The following ADGRL2 variants were observed in gnomAD, a reference collection of about 807,000 sequenced individuals.
The protein encoded by ADGRL2 is adhesion G protein-coupled receptor L2.
In ADGRL2, 44 loss-of-function variants were observed where a neutral mutation model predicts 157.4. The observed-to-expected ratio is 0.28, with a 90% CI of 0.22 to 0.36. ADGRL2 has a LOEUF of 0.36. ADGRL2 is among the 10% of genes least tolerant of loss of function. The pLI is 1.00. For synonymous variants in ADGRL2, 585 were observed against 624.7 expected (o/e 0.94, Z 0.95); for missense variants, 1,510 against 1,768.9 (o/e 0.85, Z 2.63).
chr1:81,410,307 AT>A (rs1311779200), intron 1 of ADGRL2, among the ~76,000 whole-genome samples: 1 of 152,254 alleles, frequency 6.6e-6, no homozygotes, highest in Non-Finnish European at 1.5e-5. Context: ...CCTGCATTGA[AT>A]TTAGGTTCTT....
chr1:81,711,585 TTTGTG>T (rs1194030509), intron 1 of ADGRL2, among the ~76,000 whole-genome samples: 1 of 152,182 alleles, frequency 6.6e-6, no homozygotes, highest in Admixed American at 6.5e-5. Context: ...TGTTGTTTGT[TTTGTG>T]TTGTTTTTGT....
intron 3 of ADGRL2, among the ~76,000 whole-genome samples, chr1:81,590,773 T>G (rs1406606162): frequency 6.6e-6 from 1 of 152,156 alleles, no homozygotes; most frequent in Non-Finnish European, 1.5e-5. Context: ...TGCCAGGATC[T>G]CTACTTCATT....
chr1:81,604,002 C>T (rs1330029169), intron 3 of ADGRL2, among the ~76,000 whole-genome samples: 2 of 148,298 alleles, frequency 1.3e-5, no homozygotes, highest in African/African-American at 5.0e-5. Context: ...CTTGCTCTGT[C>T]CTTTAGGCTG....
chr1:81,874,624 CTTGT>C (rs2093783684), intron 2 of ADGRL2, among the ~76,000 whole-genome samples: 1 of 111,196 alleles, frequency 9.0e-6, no homozygotes. Flanking sequence ...CTTGTCTTGT[CTTGT>C]CTTGTCTTGT....
In ADGRL2 at chr1:81,530,265, C is replaced by T. The variant is rs149556686; in HGVS notation, c.-247-50611C>T. Reference sequence around the variant, plus strand: ...CCAGGATACAGTTCATTCAGGCATGCACCATATTTCAGATCAACTCAAGCT... The same window carrying T: ...CCAGGATACAGTTCATTCAGGCATGTACCATATTTCAGATCAACTCAAGCT... On this transcript the variant is annotated intron_variant, in intron 2 of 24. Coordinates refer to the ADGRL2 transcript ENST00000370721. Among the ~76,000 whole-genome samples the T allele has an allele frequency of 4.0e-3, 613 of 152,318 alleles. 1 individual carries two copies. Among genetic ancestry groups the T allele is most frequent in the Non-Finnish European group, 6.4e-3 (438 of 68,028 alleles).
At chr1:81,519,905 G>T (rs2079272421) in intron 2 of ADGRL2, among the ~76,000 whole-genome samples, 1 of 152,232 alleles carries the variant, frequency 6.6e-6, no homozygotes, top group Non-Finnish European at 1.5e-5. Flanking sequence ...CTCCTTGCAA[G>T]TACTAAGTCT....
At chr1:81,708,755 T>C (rs966410356) in intron 1 of ADGRL2, among the ~76,000 whole-genome samples, 7 of 152,082 alleles carry the variant, frequency 4.6e-5, no homozygotes, top group Non-Finnish European at 1.0e-4. Flanking sequence ...AAATCTCTGT[T>C]ATGTGATCAC....
intron 3 of ADGRL2, among the ~76,000 whole-genome samples, chr1:81,631,627 T>G (rs2082012491): frequency 6.6e-6 from 1 of 152,176 alleles, no homozygotes; most frequent in African/African-American, 2.4e-5. Flanking sequence ...TGGTATGAGG[T>G]GCAATGGATC....
At chr1:81,937,947 C>T (rs979340120) in intron 4 of ADGRL2, among the ~76,000 whole-genome samples, 1 of 151,814 alleles carries the variant, frequency 6.6e-6, no homozygotes, top group African/African-American at 2.4e-5. Flanking sequence ...TGTGAAGGCA[C>T]TCTCCATCTT....
chr1:81,901,507 T>G (rs924361228), intron 2 of ADGRL2, among the ~76,000 whole-genome samples: 1 of 152,040 alleles, frequency 6.6e-6, no homozygotes, highest in African/African-American at 2.4e-5. Context: ...AAAAGTTTAC[T>G]AGGTGATTCT....
chr1:81,965,953 A>G (rs529952696), intron 11 of ADGRL2, 105 bp from the exon 12 acceptor site: 2 of 1,164,452 alleles, frequency 1.7e-6, no homozygotes, highest in Non-Finnish European at 2.4e-6. Context: ...TTTTTTAAGT[A>G]GGCAAAAAGA....
chr1:81,558,145 G>C (rs12048284), intron 2 of ADGRL2, among the ~76,000 whole-genome samples: 15,586 of 152,116 alleles, frequency 0.1, 1,070 homozygotes, highest in East Asian at 0.29. Flanking sequence ...ATAAATGAAC[G>C]ATGTCTTCCA....
At chr1:81,625,424 A>C (rs1420598727) in intron 3 of ADGRL2, among the ~76,000 whole-genome samples, 2 of 152,096 alleles carry the variant, frequency 1.3e-5, no homozygotes, top group Admixed American at 6.6e-5. Context: ...GAAAATAGGT[A>C]TTTTTCTTCC....
In ADGRL2 at chr1:81,952,083, G is replaced by A. The variant is rs1652009079; in HGVS notation, c.1735G>A (p.Ala579Thr). 1.2e-6 allele frequency: 2 copies of A among 1,613,382 alleles called. No homozygotes were observed. Among genetic ancestry groups the A allele is most frequent in the Non-Finnish European group, 1.7e-6 (2 of 1,179,578 alleles). Residue 579 changes from alanine to threonine, a missense_variant, in exon 9 of 24, where the codon GCA (alanine) becomes ACA (threonine). Ala to Thr is a moderately conservative substitution (Grantham distance 58). This residue lies in a region of ADGRL2 where 325 missense variants were observed against 333.2 expected (regional missense o/e 0.98). Coordinates refer to ENST00000686636, the MANE Select transcript of ADGRL2 (RefSeq NM_001366006.2). ...GGAGCAGTTGGTGGACATCCTTGAT[G>A]CACAGCTGCAGGAACTGAAACCTAG... ...LMEQLVDILDAQLQELKPSEK... is the reference protein window; with the variant it reads ...LMEQLVDILDTQLQELKPSEK...
intron 1 of ADGRL2, among the ~76,000 whole-genome samples, chr1:81,428,765 G>A (rs1351074751): frequency 6.6e-6 from 1 of 152,002 alleles, no homozygotes; most frequent in Non-Finnish European, 1.5e-5. Context: ...TAAGGAGGTG[G>A]CCCGAGACAA....
At chr1:81,408,168 G>A (rs77981293) in intron 1 of ADGRL2, among the ~76,000 whole-genome samples, 24,554 of 152,078 alleles carry the variant, frequency 0.16, 2,225 homozygotes, top group South Asian at 0.28. Context: ...CTTGCTTGAG[G>A]AATTCAGGAC....
intron 2 of ADGRL2, among the ~76,000 whole-genome samples, chr1:81,903,679 T>C (rs2094528287): frequency 6.7e-6 from 1 of 148,942 alleles, no homozygotes; most frequent in African/African-American, 2.4e-5. Context: ...TATTTCTCTC[T>C]TCATATTTGT....
chr1:81,676,774 C>T (rs1336003689), intron 3 of ADGRL2, among the ~76,000 whole-genome samples: 2 of 151,904 alleles, frequency 1.3e-5, no homozygotes, highest in African/African-American at 4.8e-5. Context: ...GCAAACTCCA[C>T]CTCCCAGGTT....
At chr1:81,875,917 C>A (rs1223572316) in intron 2 of ADGRL2, among the ~76,000 whole-genome samples, 1 of 152,128 alleles carries the variant, frequency 6.6e-6, no homozygotes, top group Non-Finnish European at 1.5e-5. Flanking sequence ...CCTTGTAAAT[C>A]AATTATGCAT....
Sources: allele counts gnomAD v4.1 joint callset (sites outside exome capture counted in the v4.1 genomes callset), GRCh38; gene constraint gnomAD v4.1.1; regional missense constraint gnomAD v4.1.1; transcripts MANE v1.5; gene names NCBI Gene and HGNC (gene_info 2026-07-23, HGNC 2026-07-21).